Variants in CDH6 observed in about 807,000 individuals in gnomAD.
CDH6 encodes the protein cadherin-6.
A neutral mutation model predicts 78.0 loss-of-function variants in CDH6; 31 were observed. The ratio of observed to expected loss-of-function variants is 0.40; its 90% confidence interval spans 0.30 to 0.54. The LOEUF (loss-of-function observed/expected upper bound fraction) is 0.54. CDH6 is among the 20% of genes least tolerant of loss of function. The pLI, the probability that CDH6 is intolerant of heterozygous loss-of-function variation, is 0.56. For missense variants in CDH6, 724 were observed against 975.9 expected, an observed-to-expected ratio of 0.74 and a Z score of 3.44; for synonymous variants, 376 against 368.8, an observed-to-expected ratio of 1.02 and a Z score of -0.23.
chr5:31,277,122 T>C (rs1742721768), intron 2 of CDH6, among the ~76,000 whole-genome samples: 1 of 152,186 alleles, frequency 6.6e-6, no homozygotes, highest in South Asian at 2.1e-4. Context: ...GGGCATGAGT[T>C]TATATAAAAA....
intron 7 of CDH6, among the ~76,000 whole-genome samples, chr5:31,308,030 G>C (rs1424101156): frequency 6.6e-6 from 1 of 152,016 alleles, no homozygotes; most frequent in Non-Finnish European, 1.5e-5. Flanking sequence ...TATATAAATG[G>C]TATTCCAGTG....
intron 1 of CDH6, among the ~76,000 whole-genome samples, chr5:31,259,099 T>C (rs1742139992): frequency 6.6e-6 from 1 of 152,226 alleles, no homozygotes; most frequent in Non-Finnish European, 1.5e-5. Flanking sequence ...GCAAGGTGCC[T>C]AGCACATAAC....
chr5:31,290,164 C>T (rs10472769), intron 2 of CDH6, among the ~76,000 whole-genome samples: 2,763 of 152,110 alleles, frequency 0.018, 92 homozygotes, highest in African/African-American at 0.063. Context: ...GCAGGCTGAG[C>T]CAAGAGAATT....
chr5:31,299,447 A>G lies in CDH6; in HGVS notation c.644-17A>G, dbSNP rs1737699265. 1 of 1,603,174 alleles carries G rather than the reference A, an allele frequency of 6.2e-7. No individual in the cohort carries two copies. Among genetic ancestry groups the G allele is most frequent in the East Asian group, 2.2e-5 (1 of 44,668 alleles). Reference sequence around the variant, plus strand: ...TCTTAATGCATCCCTTTGCACTCTTAAATTTCACATCCACAGGTATTATCA... The same window carrying G: ...TCTTAATGCATCCCTTTGCACTCTTGAATTTCACATCCACAGGTATTATCA... On this transcript the variant is annotated splice_polypyrimidine_tract_variant and intron_variant, in intron 4 of 11. Coordinates refer to ENST00000265071, the MANE Select transcript of CDH6 (RefSeq NM_004932.4).
chr5:31,200,656 G>C (rs1740326169), intron 1 of CDH6, among the ~76,000 whole-genome samples: 1 of 151,168 alleles, frequency 6.6e-6, no homozygotes, highest in South Asian at 2.1e-4. Context: ...AGGAAAGAAA[G>C]AGGGAGGGAG....
In CDH6 at chr5:31,328,253, AC is replaced by A. The variant is rs1265637376; in HGVS notation, c.*4946del. 5.3e-6 allele frequency: 1 copy of A among 188,592 alleles called. No homozygotes were observed. The highest frequency in any genetic ancestry group is 2.4e-5 in the African/African-American group (1 of 42,298). The allele number at this position is 188,592 out of a possible 1,614,324, so 11.7% of individuals were successfully genotyped here. Reference sequence around the variant, plus strand: ...TCCTCAAATGGGGTTAATCTGACAAACGAGGCATGGACCCAGCCTTGTGGAA... The same window carrying A: ...TCCTCAAATGGGGTTAATCTGACAAAGAGGCATGGACCCAGCCTTGTGGAA... On this transcript the variant is annotated 3_prime_UTR_variant, in exon 12 of 12. Transcript: ENST00000265071.
intron 2 of CDH6, among the ~76,000 whole-genome samples, chr5:31,271,362 T>C (rs1272161170): frequency 2.6e-5 from 4 of 152,064 alleles, no homozygotes; most frequent in Non-Finnish European, 5.9e-5. Context: ...GACAAGATGG[T>C]GCTTTACAAC....
intron 1 of CDH6, among the ~76,000 whole-genome samples, chr5:31,237,741 C>T (rs548708465): frequency 1.3e-5 from 2 of 152,212 alleles, no homozygotes; most frequent in Admixed American, 1.3e-4. Context: ...CTTGTTATTC[C>T]TTTCACATTT....
rs1737701951 is a variant in CDH6, at chr5:31,299,497, G to A, written c.677G>A (p.Arg226Gln). The change falls in exon 5 of 12, where the codon CGA (arginine) becomes CAA (glutamine). Residue 226 changes from arginine (R) to glutamine (Q), a missense_variant. By Grantham distance (43) the Arg-to-Gln change is conservative (BLOSUM62 1). Coordinates refer to ENST00000265071, the MANE Select transcript of CDH6 (RefSeq NM_004932.4). ...AAGACAGCTTTGCTCAACATGGATC[G>A]AGAAAACAGGGAGCAGTACCAAGTG... ...IIKTALLNMDRENREQYQVVI... is the reference protein window; with the variant it reads ...IIKTALLNMDQENREQYQVVI... The A allele has an allele frequency of 2.5e-6, 4 of 1,613,584 alleles. No individual in the cohort carries two copies. Among genetic ancestry groups the A allele is most frequent in the Admixed American group, 1.7e-5 (1 of 59,978 alleles).
At chr5:31,267,173 T>C (rs1343536557) in intron 1 of CDH6, among the ~76,000 whole-genome samples, 173 bp from the exon 2 acceptor site, 1 of 152,160 alleles carries the variant, frequency 6.6e-6, no homozygotes, top group Non-Finnish European at 1.5e-5. Flanking sequence ...ACCCAGCACA[T>C]GCCTTCCATT....
At chr5:31,209,669 A>G (rs1740638644) in intron 1 of CDH6, among the ~76,000 whole-genome samples, 2 of 152,196 alleles carry the variant, frequency 1.3e-5, no homozygotes, top group Admixed American at 6.5e-5. Flanking sequence ...AGAAAATCCC[A>G]TCTCGAACTG....
At chr5:31,305,472 A>C (rs751907011) in intron 7 of CDH6, 45 bp downstream of exon 7, 1 of 1,564,878 alleles carries the variant, frequency 6.4e-7, no homozygotes, top group East Asian at 2.2e-5. Context: ...GCTTCAGTCA[A>C]TTTATATTCA....
At chr5:31,263,195 C>T (rs1430697160) in intron 1 of CDH6, among the ~76,000 whole-genome samples, 5 of 151,570 alleles carry the variant, frequency 3.3e-5, no homozygotes, top group African/African-American at 4.9e-5. Context: ...CTGGTGGGGA[C>T]TCTCTGCATA....
intron 7 of CDH6, among the ~76,000 whole-genome samples, chr5:31,306,482 A>G (rs1737993220): frequency 6.6e-6 from 1 of 152,178 alleles, no homozygotes; most frequent in Non-Finnish European, 1.5e-5. Flanking sequence ...AAATGAGAAA[A>G]GTGCTAGCTG....
chr5:31,240,216 G>A (rs1055948211), intron 1 of CDH6, among the ~76,000 whole-genome samples: 5 of 152,108 alleles, frequency 3.3e-5, no homozygotes, highest in Non-Finnish European at 5.9e-5. Flanking sequence ...TATTGCCTTT[G>A]TTTAGTCCAG....
At chr5:31,227,174 A>AC (rs1741176795) in intron 1 of CDH6, among the ~76,000 whole-genome samples, 1 of 151,730 alleles carries the variant, frequency 6.6e-6, no homozygotes, top group Non-Finnish European at 1.5e-5. Context: ...ATCCCACTTC[A>AC]CCCCCTTTCT....
At chr5:31,199,730 A>C (rs1159589364) in intron 1 of CDH6, among the ~76,000 whole-genome samples, 1 of 130,952 alleles carries the variant, frequency 7.6e-6, no homozygotes, top group Non-Finnish European at 1.6e-5. Flanking sequence ...AAAGATAAAA[A>C]GCACTCACCA....
At chr5:31,302,560 A>G (rs1037826875) in intron 6 of CDH6, 5 of 278,266 alleles carry the variant, frequency 1.8e-5, no homozygotes, top group Middle Eastern at 1.1e-3. Flanking sequence ...TAAAAATACA[A>G]AAATTAGCCA....
chr5:31,232,904 G>A (rs939725297), intron 1 of CDH6, among the ~76,000 whole-genome samples: 2 of 152,018 alleles, frequency 1.3e-5, no homozygotes, highest in Non-Finnish European at 2.9e-5. Flanking sequence ...TCCAAAATAG[G>A]TCCTTTAATA....
Sources: gnomAD v4.1 joint callset for allele counts (sites outside exome capture counted in the v4.1 genomes callset) on GRCh38, gnomAD v4.1.1 for gene constraint, MANE v1.5 for transcripts, NCBI Gene and HGNC (gene_info 2026-07-23, HGNC 2026-07-21) for gene names.